Variants in CSMD1 observed in about 807,000 individuals in gnomAD.
CSMD1 encodes CUB and sushi domain-containing protein 1.
CSMD1 carries 213 observed loss-of-function variants against 417.5 expected under a neutral mutation model. The ratio of observed to expected loss-of-function variants is 0.51; its 90% CI spans 0.46 to 0.57. The LOEUF is 0.57. Among genes scored for constraint, CSMD1 ranks in the 20% least tolerant of loss-of-function variants. CSMD1 has a pLI of 0.00. For missense variants in CSMD1, 6,923 were observed against 4,529.7 expected, an observed-to-expected ratio of 1.53 and a Z score of -15.17; for synonymous variants, 2,862 against 1,736.8, an observed-to-expected ratio of 1.65 and a Z score of -16.11.
intron 5 of CSMD1, among the ~76,000 whole-genome samples, chr8:3,817,678 G>C (rs979055201): frequency 6.6e-6 from 1 of 152,186 alleles, no homozygotes; most frequent in East Asian, 1.9e-4. Context: ...TTCTTTAATG[G>C]AACTTTCCAC....
At chr8:3,837,911 G>C (rs1428325791) in intron 5 of CSMD1, among the ~76,000 whole-genome samples, 2 of 152,056 alleles carry the variant, frequency 1.3e-5, no homozygotes, top group East Asian at 3.9e-4. Flanking sequence ...GAAATGCACA[G>C]ATGAATATAC....
At chr8:4,091,766 T>C (rs1585295330) in intron 3 of CSMD1, among the ~76,000 whole-genome samples, 2 of 152,226 alleles carry the variant, frequency 1.3e-5, no homozygotes, top group African/African-American at 4.8e-5. Flanking sequence ...TTTAACATAT[T>C]CTACTTTAAG....
chr8:4,604,786 C>T (rs1800781258), intron 2 of CSMD1, among the ~76,000 whole-genome samples: 1 of 152,122 alleles, frequency 6.6e-6, no homozygotes. Flanking sequence ...TATAGATCTA[C>T]TTCTTCCTCA....
intron 1 of CSMD1, among the ~76,000 whole-genome samples, chr8:4,845,049 A>C (rs1442773680): frequency 7.5e-6 from 1 of 132,486 alleles, no homozygotes; most frequent in African/African-American, 2.8e-5. Context: ...ATTAAGTTCT[A>C]CTAAATAATG....
At chr8:4,726,041 G>C (rs1026936520) in intron 1 of CSMD1, among the ~76,000 whole-genome samples, 12 of 152,160 alleles carry the variant, frequency 7.9e-5, no homozygotes, top group African/African-American at 2.9e-4. Context: ...GTCACGGTGT[G>C]AGTTCACATC....
At position 3,098,667 on chromosome 8, in the gene CSMD1, G is replaced by A. The variant is rs564151673; in HGVS notation, c.6950-1630C>T. Among the ~76,000 whole-genome samples, 88 of 152,200 alleles carry A rather than the reference G, an allele frequency of 5.8e-4. 1 individual carries two copies. Among genetic ancestry groups the A allele is most frequent in the Admixed American group, 2.3e-3 (35 of 15,276 alleles). ...GACCTCATCGCTTTGTAAAATACAC[G>A]ATGCCCATTCAAAGTTAATGTGATA... is the stretch of plus-strand genomic sequence containing the variant. On this transcript the variant is annotated intron_variant, in intron 46 of 69. Transcript: ENST00000635120.
intron 12 of CSMD1, among the ~76,000 whole-genome samples, chr8:3,439,559 T>C (rs1194184187): frequency 1.3e-5 from 2 of 151,334 alleles, no homozygotes; most frequent in African/African-American, 2.4e-5. Flanking sequence ...TGAGTTCTTA[T>C]CAGATACGTG....
Position 3,643,326 on chromosome 8 carries a change from T to G in CSMD1, c.1010-26529A>C, listed in dbSNP as rs986324860. ...GGGCAAAGAAAGAGGTGAAAAAAAATGAGAGAAAAAGCAGAATCACTGAAG... is the reference window on the plus strand; with the variant it reads ...GGGCAAAGAAAGAGGTGAAAAAAAAGGAGAGAAAAAGCAGAATCACTGAAG... On this transcript the variant is annotated intron_variant, in intron 7 of 69. Transcript: ENST00000635120. 2.0e-5 allele frequency among the ~76,000 whole-genome samples: 3 copies of G among 150,318 alleles called. No individual in the cohort carries two copies. The South Asian group carries it at 6.3e-4, about 32-fold the overall frequency.
intron 3 of CSMD1, among the ~76,000 whole-genome samples, chr8:4,172,343 A>G (rs1162821874): frequency 6.6e-6 from 1 of 152,146 alleles, no homozygotes; most frequent in African/African-American, 2.4e-5. Flanking sequence ...TCATTGAGAA[A>G]ATAAAGTTTA....
chr8:4,834,988 A>G (rs1800386092), intron 1 of CSMD1, among the ~76,000 whole-genome samples: 1 of 36,210 alleles, frequency 2.8e-5, no homozygotes, highest in African/African-American at 4.8e-5. Flanking sequence ...AAAGAAAGAA[A>G]GAAAGAAAGA....
chr8:4,386,868 T>G (rs1026142677), intron 3 of CSMD1, among the ~76,000 whole-genome samples: 1 of 152,222 alleles, frequency 6.6e-6, no homozygotes, highest in African/African-American at 2.4e-5. Context: ...GAATCCCTCG[T>G]GGATGACTGA....
In CSMD1 at chr8:3,933,067, T is replaced by TA. The variant is rs5889001; in HGVS notation, c.818+64835dup. Among the ~76,000 whole-genome samples, 7 of 146,152 alleles carry TA rather than the reference T, an allele frequency of 4.8e-5. 1 individual carries two copies. Among genetic ancestry groups the TA allele is most frequent in the East Asian group, 4.1e-4 (2 of 4,936 alleles). ...AACTGCTTGTGGCAAATTATCTCATTAAAAAAAAACAAAAGAAACAACATT... is the reference window on the plus strand; with the variant it reads ...AACTGCTTGTGGCAAATTATCTCATTAAAAAAAAAACAAAAGAAACAACATT... On this transcript the variant is annotated intron_variant, in intron 5 of 69. Coordinates refer to ENST00000635120, the MANE Select transcript of CSMD1 (RefSeq NM_033225.6).
chr8:4,217,226 T>A (rs1800737127), intron 3 of CSMD1, among the ~76,000 whole-genome samples: 1 of 152,222 alleles, frequency 6.6e-6, no homozygotes, highest in Non-Finnish European at 1.5e-5. Context: ...CTCTTCTTGA[T>A]ATAAAAATGC....
intron 3 of CSMD1, among the ~76,000 whole-genome samples, chr8:4,296,967 G>C (rs1234937306): frequency 6.6e-6 from 1 of 152,006 alleles, no homozygotes; most frequent in African/African-American, 2.4e-5. Flanking sequence ...AAACCTGTAA[G>C]TCAGATGACA....
chr8:3,968,011 A>G (rs1238460915), intron 5 of CSMD1, among the ~76,000 whole-genome samples: 3 of 149,248 alleles, frequency 2.0e-5, no homozygotes, highest in Admixed American at 1.3e-4. Flanking sequence ...GCTTAAAAAA[A>G]AAAAAAAAAA....
At chr8:3,305,459 C>T (rs757956305) in intron 25 of CSMD1, among the ~76,000 whole-genome samples, 50 of 152,028 alleles carry the variant, frequency 3.3e-4, no homozygotes, top group Non-Finnish European at 5.4e-4. Flanking sequence ...GGGCTGGGCC[C>T]TCATGAAGGG....
intron 1 of CSMD1, among the ~76,000 whole-genome samples, chr8:4,927,992 C>T (rs937972781): frequency 3.9e-5 from 6 of 152,230 alleles, no homozygotes; most frequent in African/African-American, 1.4e-4. Flanking sequence ...GTAAAGCTCC[C>T]GAGTCACACC....
At chr8:3,097,159 C>A (rs1306936635) in intron 46 of CSMD1, 122 bp from the exon 47 acceptor site, 4 of 690,642 alleles carry the variant, frequency 5.8e-6, no homozygotes, top group Non-Finnish European at 6.9e-6. Flanking sequence ...TGAGCTCTGG[C>A]CAAATTTAAT....
rs1306197673 is a variant in CSMD1 at position 4,675,271 on chromosome 8, T to G, written c.86-37713A>C. ...AAACACTTAAAACTTTCACTTCTTATCTCTGAAGGGGCATTGTTGGAGCCT... is the reference window on the plus strand; with the variant it reads ...AAACACTTAAAACTTTCACTTCTTAGCTCTGAAGGGGCATTGTTGGAGCCT... On this transcript the variant is annotated intron_variant, in intron 1 of 69. Coordinates refer to ENST00000635120, the MANE Select transcript of CSMD1 (RefSeq NM_033225.6). Among the ~76,000 whole-genome samples the G allele has an allele frequency of 2.6e-5, 4 of 152,196 alleles. No individual in the cohort carries two copies. The East Asian group carries it at 5.8e-4, about 22-fold the overall frequency.
Sources: allele counts gnomAD v4.1 joint callset (sites outside exome capture counted in the v4.1 genomes callset), GRCh38; gene constraint gnomAD v4.1.1; transcripts MANE v1.5; gene names NCBI Gene and HGNC (gene_info 2026-07-23, HGNC 2026-07-21).